PDE1A: variants seen among roughly 807,000 people sequenced by gnomAD.
PDE1A encodes the protein phosphodiesterase 1A, also known as dual specificity calcium/calmodulin-dependent 3',5'-cyclic nucleotide phosphodiesterase 1A.
A neutral mutation model predicts 61.7 loss-of-function variants in PDE1A; 35 were observed. The ratio of observed to expected loss-of-function variants is 0.57; its 90% confidence interval spans 0.43 to 0.75. PDE1A has a LOEUF of 0.75. Ranked by LOEUF, PDE1A falls within the 30% of genes least tolerant of loss-of-function variation. The probability of loss-of-function intolerance (pLI) is 0.00; values close to 1 mark genes in which losing one functional copy is unlikely to be tolerated. For synonymous variants in PDE1A, 232 were observed against 213.2 expected, an observed-to-expected ratio of 1.09 and a Z score of -0.77; for missense variants, 597 against 630.6, an observed-to-expected ratio of 0.95 and a Z score of 0.57.
intron 1 of PDE1A, among the ~76,000 whole-genome samples, chr2:182,385,379 T>C (rs1700970163): frequency 6.6e-6 from 1 of 151,842 alleles, no homozygotes; most frequent in Non-Finnish European, 1.5e-5. Flanking sequence ...ATATGAAATA[T>C]AAAAAGATGG....
chr2:182,443,600 T>G (rs1684933598), intron 2 of PDE1A, among the ~76,000 whole-genome samples: 1 of 152,038 alleles, frequency 6.6e-6, no homozygotes, highest in Middle Eastern at 3.2e-3. Context: ...CCCCTTTGCC[T>G]TTCACCCTGA....
At chr2:182,415,119 T>C (rs1162449325) in intron 1 of PDE1A, among the ~76,000 whole-genome samples, 1 of 152,146 alleles carries the variant, frequency 6.6e-6, no homozygotes, top group Non-Finnish European at 1.5e-5. Context: ...TACCACTCTG[T>C]ACCACATAAA....
chr2:182,253,716 G>A (rs919811795), intron 2 of PDE1A, among the ~76,000 whole-genome samples: 1 of 152,082 alleles, frequency 6.6e-6, no homozygotes, highest in African/African-American at 2.4e-5. Flanking sequence ...TTAAAAAAGG[G>A]AGTAAATAAT....
chr2:182,399,919 G>T (rs964861933), intron 1 of PDE1A, among the ~76,000 whole-genome samples: 1 of 152,016 alleles, frequency 6.6e-6, no homozygotes, highest in African/African-American at 2.4e-5. Flanking sequence ...TTTTATTCCT[G>T]CATGAAAGAC....
At chr2:182,580,179 T>C in the PDE1A span, among the ~76,000 whole-genome samples, 2 of 152,216 alleles carry the variant, frequency 1.3e-5, no homozygotes, top group African/African-American at 4.8e-5. Context: ...AAATGGTATA[T>C]TGACGTCCTA....
the PDE1A span, among the ~76,000 whole-genome samples, chr2:182,622,606 A>T: frequency 6.6e-6 from 1 of 152,174 alleles, no homozygotes; most frequent in Non-Finnish European, 1.5e-5. Context: ...ATAGGAATGA[A>T]TGTATATTAA....
chr2:182,242,351 G>A (rs1432092795), intron 2 of PDE1A, among the ~76,000 whole-genome samples: 1 of 152,200 alleles, frequency 6.6e-6, no homozygotes, highest in Non-Finnish European at 1.5e-5. Flanking sequence ...TGAGAAGAAA[G>A]TGCATATAAT....
At chr2:182,349,487 A>G (rs1698729238) in intron 1 of PDE1A, among the ~76,000 whole-genome samples, 1 of 152,194 alleles carries the variant, frequency 6.6e-6, no homozygotes, top group Non-Finnish European at 1.5e-5. Flanking sequence ...TCAGAGACCA[A>G]ATTGGTGGAA....
the PDE1A span, among the ~76,000 whole-genome samples, chr2:182,529,031 C>T: frequency 2.0e-5 from 3 of 152,226 alleles, no homozygotes; most frequent in Non-Finnish European, 4.4e-5. Flanking sequence ...GAAGCCTCCA[C>T]ACAGAGTCCC....
the PDE1A span, among the ~76,000 whole-genome samples, chr2:182,656,442 A>G: frequency 6.6e-6 from 1 of 152,218 alleles, no homozygotes; most frequent in African/African-American, 2.4e-5. Flanking sequence ...ATAAAAATGG[A>G]AAGATGGGAA....
intron 2 of PDE1A, among the ~76,000 whole-genome samples, chr2:182,488,359 T>A (rs1317289979): frequency 2.0e-5 from 3 of 152,168 alleles, no homozygotes; most frequent in African/African-American, 7.2e-5. Context: ...TGCGACCTTC[T>A]GAATACACTG....
At chr2:182,154,332 C>A (rs1690947813) in intron 13 of PDE1A, among the ~76,000 whole-genome samples, 1 of 152,142 alleles carries the variant, frequency 6.6e-6, no homozygotes, top group Non-Finnish European at 1.5e-5. Context: ...TTGTTCTAAA[C>A]ATAAACCATT....
chr2:182,357,201 GA>G (rs1699240957), intron 1 of PDE1A, among the ~76,000 whole-genome samples: 1 of 147,822 alleles, frequency 6.8e-6, no homozygotes, highest in East Asian at 2.0e-4. Flanking sequence ...AAAGAAAAAA[GA>G]AAAAAAGAAA....
the PDE1A span, among the ~76,000 whole-genome samples, chr2:182,540,306 A>G: frequency 1.3e-5 from 2 of 148,646 alleles, no homozygotes; most frequent in African/African-American, 4.9e-5. Flanking sequence ...AGAGGGTGCA[A>G]TGAGCTGAGA....
the PDE1A span, among the ~76,000 whole-genome samples, chr2:182,644,624 T>C: frequency 6.6e-6 from 1 of 152,150 alleles, no homozygotes; most frequent in Non-Finnish European, 1.5e-5. Context: ...TTACTAATAC[T>C]GTGACCTTTG....
chr2:182,658,047 T>TTAAAAAAAAAAA, the PDE1A span, among the ~76,000 whole-genome samples: 2 of 66,662 alleles, frequency 3.0e-5, no homozygotes, highest in African/African-American at 1.4e-4. Context: ...AGCTTCTCAG[T>TTAAAAAAAAAAA]AAAAAAAAAA....
chr2:182,360,737 A>G (rs1423934216), intron 1 of PDE1A, among the ~76,000 whole-genome samples: 1 of 151,254 alleles, frequency 6.6e-6, no homozygotes, highest in African/African-American at 2.4e-5. Context: ...TTTTCCCCCT[A>G]TGGTGGAAGG....
chr2:182,577,982 AAGGAAGGAAGGG>A, the PDE1A span, among the ~76,000 whole-genome samples: 4 of 138,754 alleles, frequency 2.9e-5, no homozygotes, highest in Non-Finnish European at 6.3e-5. Flanking sequence ...GGAAGGAAGG[AAGGAAGGAAGGG>A]ACGGAGGGAG....
At chr2:182,456,584 G>A (rs1685936191) in intron 2 of PDE1A, among the ~76,000 whole-genome samples, 1 of 151,984 alleles carries the variant, frequency 6.6e-6, no homozygotes, top group African/African-American at 2.4e-5. Flanking sequence ...TGAAACAATT[G>A]AACCAATCAC....
Sources: allele counts gnomAD v4.1 joint callset (sites outside exome capture counted in the v4.1 genomes callset), GRCh38; gene constraint gnomAD v4.1.1; transcripts MANE v1.5; gene names NCBI Gene and HGNC (gene_info 2026-07-23, HGNC 2026-07-21).